AGXT: variants seen among roughly 807,000 people sequenced by gnomAD.
AGXT encodes alanine--glyoxylate aminotransferase.
In AGXT, 41 loss-of-function variants were observed where a neutral mutation model predicts 46.9. The ratio of observed to expected loss-of-function variants is 0.88; its 90% CI spans 0.68 to 1.14. The LOEUF (loss-of-function observed/expected upper bound fraction) is 1.14, where lower values mean the gene tolerates loss of function less well. AGXT is among the 50% of genes most tolerant of loss of function. The probability of loss-of-function intolerance (pLI) is 0.00; values close to 1 mark genes in which losing one functional copy is unlikely to be tolerated. For synonymous variants in AGXT, 244 were observed against 227.9 expected (o/e 1.07, Z -0.64); for missense variants, 525 against 522.7 (o/e 1.00, Z -0.04).
Position 240,875,654 on chromosome 2 carries a change from C to T in AGXT, c.777-281C>T, listed in dbSNP as rs76443765. 6.4e-3 allele frequency among the ~76,000 whole-genome samples: 970 copies of T among 152,348 alleles called. 42 individuals are homozygous for T. The East Asian group carries it at 0.12, about 18-fold the overall frequency. ...AGGGCCAGTGCCGGCTTCGCAGGCA[C>T]GCTGGGACTGAGGGGCTCCGCAGGG... On this transcript the variant is annotated intron_variant, in intron 7 of 10. Transcript: ENST00000307503.
chr2:240,875,906 G>C (rs1011923004), intron 7 of AGXT, 29 bp from the exon 8 acceptor site: 5 of 1,613,206 alleles, frequency 3.1e-6, no homozygotes, highest in Non-Finnish European at 4.2e-6. Flanking sequence ...TGCCCATGGT[G>C]CTGGACCAAG....
intron 10 of AGXT, among the ~76,000 whole-genome samples, chr2:240,878,509 G>A (rs2059040406): frequency 6.6e-6 from 1 of 152,228 alleles, no homozygotes; most frequent in Non-Finnish European, 1.5e-5. Context: ...CCGTGTGGCT[G>A]CGGGTGCAGA....
At chr2:240,873,942 G>A (rs2059005380) in intron 5 of AGXT, 36 bp from the exon 6 acceptor site, 1 of 1,599,676 alleles carries the variant, frequency 6.3e-7, no homozygotes, top group East Asian at 2.2e-5. Flanking sequence ...CCCTGAGGTG[G>A]GACTCACCCG....
At chr2:240,873,884 T>C (rs1021646970) in intron 5 of AGXT, 94 bp from the exon 6 acceptor site, 2 of 1,132,162 alleles carry the variant, frequency 1.8e-6, no homozygotes, top group African/African-American at 3.0e-5. Context: ...GGTAGGGTCG[T>C]AGCCTACCAG....
At chr2:240,876,361 G>A (rs1011481011) in intron 8 of AGXT, among the ~76,000 whole-genome samples, 1 of 152,196 alleles carries the variant, frequency 6.6e-6, no homozygotes, top group Non-Finnish European at 1.5e-5. Context: ...GTAAAGTGAG[G>A]GTTGGCAGTT....
intron 7 of AGXT, 33 bp from the exon 8 acceptor site, chr2:240,875,902 T>A: frequency 6.2e-7 from 1 of 1,610,264 alleles, no homozygotes; most frequent in Non-Finnish European, 8.5e-7. Flanking sequence ...ACCCTGCCCA[T>A]GGTGCTGGAC....
At position 240,877,618 on chromosome 2, in the gene AGXT, T is replaced by C. The variant is rs1164761832; in HGVS notation, c.928T>C (p.Phe310Leu). The change falls in exon 9 of 11, where the codon TTC becomes CTC. Residue 310 changes from phenylalanine (F) to leucine (L), a missense_variant. By Grantham distance (22) the Phe-to-Leu change is conservative (BLOSUM62 0). Transcript: ENST00000307503. ...CCTGCAGGCACTGGGGCTGCAGCTC[T>C]TCGTGAAGGACCCGGTAAGGAGGCC... is the stretch of plus-strand genomic sequence containing the variant. The part of the protein sequence containing the change: ...GRLQALGLQL[F>L]VKDPALRLPT... The C allele has an allele frequency of 6.4e-7, 1 of 1,550,906 alleles. No homozygotes were observed. Among genetic ancestry groups the C allele is most frequent in the Non-Finnish European group, 8.7e-7 (1 of 1,147,004 alleles).
Position 240,878,053 on chromosome 2 carries a change from C to T in AGXT, c.974C>T (p.Ala325Val). The change falls in exon 10 of 11, where the codon GCT (alanine) becomes GTT (valine). Residue 325 changes from alanine (A) to valine (V), a missense_variant. Physicochemically the swap from Ala to Val is moderately conservative, Grantham distance 64 (BLOSUM62 0). Coordinates refer to ENST00000307503, the MANE Select transcript of AGXT (RefSeq NM_000030.3). ...ALRLPTVTTV[A>V]VPAGYDWRDI... The stretch of plus-strand genomic sequence containing the variant: ...CGGCTTCCCACAGTCACCACTGTGG[C>T]TGTACCCGCTGGCTATGACTGGAGA... 6.2e-7 allele frequency: 1 copy of T among 1,612,960 alleles called. No homozygotes were observed. The highest frequency in any genetic ancestry group is 8.5e-7 in the Non-Finnish European group (1 of 1,179,998).
At chr2:240,875,296 GC>G (rs1341102588) in intron 7 of AGXT, 92 bp downstream of exon 7, 5 of 1,124,316 alleles carry the variant, frequency 4.4e-6, no homozygotes, top group African/African-American at 3.1e-5. Flanking sequence ...GATTCTCCAA[GC>G]CCCCCACCTT....
chr2:240,878,224 A>G, intron 10 of AGXT, 74 bp downstream of exon 10: 2 of 1,592,994 alleles, frequency 1.3e-6, no homozygotes, highest in Non-Finnish European at 1.7e-6. Flanking sequence ...ACTGTGCACC[A>G]GGTGCAGGGG....
At chr2:240,877,432 G>C in intron 8 of AGXT, 105 bp from the exon 9 acceptor site, 1 of 1,155,342 alleles carries the variant, frequency 8.7e-7, no homozygotes, top group Non-Finnish European at 1.3e-6. Flanking sequence ...GGGCTCCCCT[G>C]CACCAAGGCC....
At chr2:240,871,887 G>C (rs779455708) in intron 4 of AGXT, among the ~76,000 whole-genome samples, 3 of 152,250 alleles carry the variant, frequency 2.0e-5, no homozygotes, top group African/African-American at 7.2e-5. Flanking sequence ...TGAGAAATGC[G>C]GACAGAGCCC....
At chr2:240,878,380 G>A (rs368507286) in intron 10 of AGXT, among the ~76,000 whole-genome samples, 7 of 152,294 alleles carry the variant, frequency 4.6e-5, no homozygotes, top group Admixed American at 1.3e-4. Context: ...GATTCCACTC[G>A]GAACATCCTT....
At position 240,868,980 on chromosome 2, in the gene AGXT, G is replaced by GCA. The variant is rs180177166; in HGVS notation, c.116_117dup (p.Ala40GlnfsTer7). 1.6e-5 allele frequency: 26 copies of GCA among 1,612,922 alleles called. No homozygotes were observed. Among genetic ancestry groups the GCA allele is most frequent in the Non-Finnish European group, 1.6e-5 (19 of 1,180,034 alleles). On this transcript the variant is annotated frameshift_variant, in exon 1 of 11. Coordinates refer to ENST00000307503, the MANE Select transcript of AGXT (RefSeq NM_000030.3). LOFTEE classifies it high-confidence loss of function. The stretch of plus-strand genomic sequence containing the variant: ...TTCCAACCTGCCTCCTCGCATCATG[G>GCA]CAGCCGGGGGGCTGCAGATGATCGG...
chr2:240,876,731 AGTGC>A (rs2059026674), intron 8 of AGXT, among the ~76,000 whole-genome samples: 1 of 152,216 alleles, frequency 6.6e-6, no homozygotes, highest in Admixed American at 6.5e-5. Flanking sequence ...GGGCTGGGTT[AGTGC>A]CAGGGTGCCC....
At chr2:240,869,120 A>T in intron 1 of AGXT, 50 bp from the exon 2 acceptor site, 1 of 1,611,440 alleles carries the variant, frequency 6.2e-7, no homozygotes, top group Non-Finnish European at 8.5e-7. Flanking sequence ...CTGCCTCCTC[A>T]CTTGGGGAGG....
chr2:240,875,298 C>G, intron 7 of AGXT, 94 bp downstream of exon 7: 1 of 1,101,714 alleles, frequency 9.1e-7, no homozygotes, highest in Non-Finnish European at 1.4e-6. Context: ...TTCTCCAAGC[C>G]CCCCACCTTC....
intron 3 of AGXT, 67 bp downstream of exon 3, chr2:240,870,775 G>A: frequency 6.8e-7 from 1 of 1,477,674 alleles, no homozygotes; most frequent in Non-Finnish European, 9.2e-7. Context: ...CTCAGGGGCT[G>A]CCTGGAATTG....
intron 3 of AGXT, 114 bp from the exon 4 acceptor site, chr2:240,871,235 T>C: frequency 1.2e-6 from 1 of 865,592 alleles, no homozygotes; most frequent in African/African-American, 1.7e-5. Flanking sequence ...CAGGGAGGAG[T>C]AGAGGCAGGC....
Sources: gnomAD v4.1 joint callset for allele counts (sites outside exome capture counted in the v4.1 genomes callset) on GRCh38, gnomAD v4.1.1 for gene constraint, MANE v1.5 for transcripts, NCBI Gene and HGNC (gene_info 2026-07-23, HGNC 2026-07-21) for gene names.